Variants in PPP2R5E observed in about 807,000 individuals in gnomAD.
The protein encoded by PPP2R5E is protein phosphatase 2 regulatory subunit B'epsilon, also known as serine/threonine-protein phosphatase 2A 56 kDa regulatory subunit epsilon isoform.
A neutral mutation model predicts 65.3 loss-of-function variants in PPP2R5E; 4 were observed. The ratio of observed to expected loss-of-function variants is 0.06; its 90% CI spans 0.03 to 0.14. The LOEUF is 0.14. Ranked by LOEUF, PPP2R5E falls within the 10% of genes least tolerant of loss-of-function variation. The probability of loss-of-function intolerance (pLI) is 1.00; values close to 1 mark genes in which losing one functional copy is unlikely to be tolerated. For synonymous variants in PPP2R5E, 183 were observed against 187.4 expected, an observed-to-expected ratio of 0.98 and a Z score of 0.19; for missense variants, 274 against 556.1, an observed-to-expected ratio of 0.49 and a Z score of 5.10.
chr14:63,527,758 AC>A (rs1893238362), intron 2 of PPP2R5E, among the ~76,000 whole-genome samples: 2 of 152,188 alleles, frequency 1.3e-5, no homozygotes, highest in South Asian at 4.1e-4. Flanking sequence ...ACATGGCAAA[AC>A]CCCATCTATA....
chr14:63,426,639 A>C (rs1887349116), intron 3 of PPP2R5E, among the ~76,000 whole-genome samples: 1 of 151,246 alleles, frequency 6.6e-6, no homozygotes, highest in South Asian at 2.1e-4. Context: ...TGTTTATATA[A>C]GACTACTGCT....
At chr14:63,381,689 G>A (rs945339572) in intron 13 of PPP2R5E, among the ~76,000 whole-genome samples, 16 of 152,256 alleles carry the variant, frequency 1.1e-4, no homozygotes, top group Non-Finnish European at 2.2e-4. Context: ...CATATACCAC[G>A]GTGGTCCCAT....
At chr14:63,523,095 G>GC (rs1272686900) in intron 2 of PPP2R5E, among the ~76,000 whole-genome samples, 1 of 148,464 alleles carries the variant, frequency 6.7e-6, no homozygotes, top group Non-Finnish European at 1.5e-5. Context: ...GGGGGGGTCA[G>GC]CCCCCCGCCC....
At chr14:63,441,462 G>A (rs1290106927) in intron 3 of PPP2R5E, among the ~76,000 whole-genome samples, 1 of 152,142 alleles carries the variant, frequency 6.6e-6, no homozygotes, top group East Asian at 1.9e-4. Flanking sequence ...CCAGAAATGG[G>A]GGGACCCCGT....
At chr14:63,496,887 TAA>T (rs35739225) in intron 2 of PPP2R5E, among the ~76,000 whole-genome samples, 3 of 144,254 alleles carry the variant, frequency 2.1e-5, no homozygotes, top group African/African-American at 2.5e-5. Context: ...GTACACAGTT[TAA>T]AAAAAAAAAA....
At chr14:63,472,064 G>C (rs1409515786) in intron 2 of PPP2R5E, among the ~76,000 whole-genome samples, 1 of 152,192 alleles carries the variant, frequency 6.6e-6, no homozygotes, top group South Asian at 2.1e-4. Context: ...ACTGTTGGAG[G>C]CCAAGGCAGG....
chr14:63,430,440 T>C (rs1182990535), intron 3 of PPP2R5E, among the ~76,000 whole-genome samples: 4 of 152,062 alleles, frequency 2.6e-5, no homozygotes, highest in Admixed American at 6.6e-5. Flanking sequence ...CATATTCAAC[T>C]GTAAGAATAA....
At chr14:63,454,740 A>G (rs1240796350) in intron 2 of PPP2R5E, among the ~76,000 whole-genome samples, 2 of 152,236 alleles carry the variant, frequency 1.3e-5, no homozygotes, top group African/African-American at 4.8e-5. Context: ...TAGACAGCCT[A>G]TCCCCTCCTA....
At chr14:63,508,967 TCAAGTA>T (rs1315253644) in intron 2 of PPP2R5E, among the ~76,000 whole-genome samples, 1 of 152,230 alleles carries the variant, frequency 6.6e-6, no homozygotes, top group Non-Finnish European at 1.5e-5. Flanking sequence ...ATGATTCTAA[TCAAGTA>T]CAAGTTAATC....
chr14:63,430,357 A>ACATACATACATGCATG (rs1566696305), intron 3 of PPP2R5E, among the ~76,000 whole-genome samples: 7 of 128,180 alleles, frequency 5.5e-5, no homozygotes, highest in African/African-American at 2.6e-4. Context: ...ATACATACAT[A>ACATACATACATGCATG]CATACATACA....
chr14:63,415,513 C>G (rs1199030020), intron 4 of PPP2R5E, among the ~76,000 whole-genome samples: 1 of 152,128 alleles, frequency 6.6e-6, no homozygotes, highest in Non-Finnish European at 1.5e-5. Context: ...GTATATATTT[C>G]CTTCTACAAC....
intron 2 of PPP2R5E, among the ~76,000 whole-genome samples, chr14:63,530,630 CTTTTTTTTTTT>C (rs954359159): frequency 2.5e-5 from 2 of 81,294 alleles, no homozygotes; most frequent in Non-Finnish European, 4.5e-5. Context: ...CTCTCAATTT[CTTTTTTTTTTT>C]TTTTTTTTTT....
intron 2 of PPP2R5E, among the ~76,000 whole-genome samples, chr14:63,484,345 T>TCACACACACACA (rs1239784741): frequency 4.2e-4 from 52 of 124,340 alleles, no homozygotes; most frequent in African/African-American, 1.5e-3. Context: ...TCTCTCTCTC[T>TCACACACACACA]CTCACACACA....
chr14:63,455,337 G>T (rs563598922), intron 2 of PPP2R5E, among the ~76,000 whole-genome samples: 1 of 152,206 alleles, frequency 6.6e-6, no homozygotes, highest in South Asian at 2.1e-4. Context: ...CTAGATGAGA[G>T]TGGATAGGAC....
chr14:63,483,732 A>G (rs886896578), intron 2 of PPP2R5E, among the ~76,000 whole-genome samples: 11 of 152,128 alleles, frequency 7.2e-5, no homozygotes, highest in African/African-American at 2.2e-4. Context: ...CATTCCCACA[A>G]TAGGAAGAAA....
intron 5 of PPP2R5E, among the ~76,000 whole-genome samples, chr14:63,406,129 T>G (rs1185939420): frequency 6.6e-6 from 1 of 152,096 alleles, no homozygotes; most frequent in African/African-American, 2.4e-5. Context: ...GACAGACTGT[T>G]GGCCAGGCGC....
chr14:63,415,077 A>C, intron 5 of PPP2R5E, 63 bp downstream of exon 5: 17 of 1,200,636 alleles, frequency 1.4e-5, no homozygotes, highest in Non-Finnish European at 2.1e-5. Context: ...ACAAACATGA[A>C]GAGAAAATGA....
chr14:63,518,451 C>G (rs1892751112), intron 2 of PPP2R5E, among the ~76,000 whole-genome samples: 1 of 151,978 alleles, frequency 6.6e-6, no homozygotes, highest in Non-Finnish European at 1.5e-5. Flanking sequence ...ACTCTGCTGC[C>G]CAGGTTGGTC....
chr14:63,499,642 A>G (rs1255629), intron 2 of PPP2R5E, among the ~76,000 whole-genome samples: 4,778 of 151,968 alleles, frequency 0.031, 227 homozygotes, highest in African/African-American at 0.11. Flanking sequence ...CAGGAGAATC[A>G]CTTGGACCTG....
Sources: gnomAD v4.1 joint callset for allele counts (sites outside exome capture counted in the v4.1 genomes callset) on GRCh38, gnomAD v4.1.1 for gene constraint, MANE v1.5 for transcripts, NCBI Gene and HGNC (gene_info 2026-07-23, HGNC 2026-07-21) for gene names.